NUDT7: variants seen among roughly 807,000 people sequenced by gnomAD.
NUDT7 encodes nudix hydrolase 7.
NUDT7 carries 19 observed loss-of-function variants against 13.1 expected under a neutral mutation model. That is an observed-to-expected ratio of 1.45 (90% CI 1.01 to 2.13). The LOEUF is 2.13. Among genes scored for constraint, NUDT7 ranks in the 30% most tolerant of loss-of-function variants. The pLI is 0.00. For synonymous variants in NUDT7, 132 were observed against 109.7 expected (o/e 1.20, Z -1.27); for missense variants, 360 against 291.7 (o/e 1.23, Z -1.71).
intron 2 of NUDT7, among the ~76,000 whole-genome samples, chr16:77,732,441 A>T (rs1471194490): frequency 1.3e-5 from 2 of 152,080 alleles, no homozygotes; most frequent in Non-Finnish European, 2.9e-5. Flanking sequence ...TCCACTCACC[A>T]CCCACTCATT....
At chr16:77,723,044 CG>C (rs1312171982) in intron 1 of NUDT7, among the ~76,000 whole-genome samples, 1 of 152,104 alleles carries the variant, frequency 6.6e-6, no homozygotes, top group Non-Finnish European at 1.5e-5. Flanking sequence ...GATCACTTGC[CG>C]GGCTGTTGTG....
chr16:77,734,070 C>T (rs927266775), intron 2 of NUDT7, among the ~76,000 whole-genome samples: 3 of 152,066 alleles, frequency 2.0e-5, no homozygotes, highest in East Asian at 1.9e-4. Context: ...GGGGGCAATG[C>T]GGGGAAAGAG....
At chr16:77,739,704 T>A (rs1288370552) in intron 3 of NUDT7, among the ~76,000 whole-genome samples, 1 of 152,142 alleles carries the variant, frequency 6.6e-6, no homozygotes, top group Non-Finnish European at 1.5e-5. Flanking sequence ...TTGCTCTGGT[T>A]CAAACGCCTC....
At chr16:77,732,962 A>G (rs1177946273) in intron 2 of NUDT7, among the ~76,000 whole-genome samples, 1 of 152,118 alleles carries the variant, frequency 6.6e-6, no homozygotes, top group Non-Finnish European at 1.5e-5. Context: ...GGTAAGACAT[A>G]TTTGCAGTCG....
chr16:77,737,781 A>G (rs1335806836), intron 3 of NUDT7, among the ~76,000 whole-genome samples: 1 of 152,122 alleles, frequency 6.6e-6, no homozygotes, highest in Non-Finnish European at 1.5e-5. Context: ...CACCACACCC[A>G]GCCTTAATGT....
chr16:77,741,823 T>C lies in NUDT7; in HGVS notation c.590T>C (p.Val197Ala). 6.2e-7 allele frequency: 1 copy of C among 1,614,146 alleles called. No homozygotes were observed. Among genetic ancestry groups the C allele is most frequent in the Non-Finnish European group, 8.5e-7 (1 of 1,180,028 alleles). ...AAGGGAATGACGGCAAACCTTGCAG[T>C]GTTGGTGGCCTTTATCATTTTGGAA... ...QIKGMTANLA[V>A]LVAFIILEKK... The change falls in exon 4 of 4, where the codon GTG becomes GCG. Residue 197 changes from valine (V) to alanine (A), a missense_variant. Coordinates refer to ENST00000268533, the MANE Select transcript of NUDT7 (RefSeq NM_001105663.3).
intron 1 of NUDT7, 68 bp from the exon 2 acceptor site, chr16:77,725,363 G>T (rs1407144079): frequency 1.4e-6 from 2 of 1,405,246 alleles, no homozygotes; most frequent in East Asian, 2.3e-5. Flanking sequence ...AGAAACAGAG[G>T]CAGGACTATA....
chr16:77,729,661 A>C (rs1018565062), intron 2 of NUDT7, among the ~76,000 whole-genome samples: 1 of 152,048 alleles, frequency 6.6e-6, no homozygotes, highest in Non-Finnish European at 1.5e-5. Flanking sequence ...CCCCATCTCT[A>C]CTAAAAATGC....
intron 2 of NUDT7, among the ~76,000 whole-genome samples, chr16:77,728,535 C>G (rs1479182607): frequency 6.6e-6 from 1 of 152,180 alleles, no homozygotes; most frequent in Non-Finnish European, 1.5e-5. Flanking sequence ...CCACGCCCAG[C>G]CTGCAAAGTT....
At position 77,741,659 on chromosome 16, in the gene NUDT7, G is replaced by A. The variant is rs1233128691; in HGVS notation, c.426G>A (p.Lys142=). Residue 142 remains lysine (K), a synonymous_variant, in exon 4 of 4, where the codon AAG becomes AAA. Coordinates refer to ENST00000268533, the MANE Select transcript of NUDT7 (RefSeq NM_001105663.3). ...CCCAGCCGAATCCTGCTGAAGTTAA[G>A]GATGTATTCCTGGTGCCTCTGGCCT... The part of the protein sequence containing the change: ...FQAQPNPAEV[K]DVFLVPLAYF... The A allele has an allele frequency of 6.2e-7, 1 of 1,614,120 alleles. No individual in the cohort carries two copies. Among genetic ancestry groups the A allele is most frequent in the Admixed American group, 1.7e-5 (1 of 60,020 alleles).
At chr16:77,727,880 T>A (rs201285812) in intron 2 of NUDT7, among the ~76,000 whole-genome samples, 3 of 151,144 alleles carry the variant, frequency 2.0e-5, no homozygotes, top group Non-Finnish European at 2.9e-5. Flanking sequence ...TAAATAAAAA[T>A]AAATAAATAA....
chr16:77,727,729 G>T (rs968115417), intron 2 of NUDT7, among the ~76,000 whole-genome samples: 3 of 152,110 alleles, frequency 2.0e-5, no homozygotes, highest in Non-Finnish European at 4.4e-5. Context: ...GGTGGTGGGT[G>T]CCTGTAATCC....
intron 2 of NUDT7, among the ~76,000 whole-genome samples, 186 bp downstream of exon 2, chr16:77,725,770 A>T (rs771274140): frequency 1.4e-4 from 22 of 152,222 alleles, no homozygotes; most frequent in Non-Finnish European, 2.5e-4. Flanking sequence ...TAACAAGAAA[A>T]TGAAGGAATT....
chr16:77,729,742 T>C (rs1279009132), intron 2 of NUDT7, among the ~76,000 whole-genome samples: 1 of 152,026 alleles, frequency 6.6e-6, no homozygotes, highest in African/African-American at 2.4e-5. Context: ...GGAGAATCGC[T>C]TGAACCTAGA....
At chr16:77,737,181 T>A (rs935941484) in intron 3 of NUDT7, among the ~76,000 whole-genome samples, 9 of 152,330 alleles carry the variant, frequency 5.9e-5, no homozygotes, top group African/African-American at 2.2e-4. Flanking sequence ...TGTTTGCTTT[T>A]TACTAGTTTT....
intron 1 of NUDT7, 128 bp downstream of exon 1, chr16:77,722,745 A>C: frequency 1.2e-6 from 1 of 840,764 alleles, no homozygotes; most frequent in Non-Finnish European, 1.9e-6. Flanking sequence ...CGAGCGCCGG[A>C]TGGGGGAGCA....
At chr16:77,734,409 G>C (rs1027172632) in intron 2 of NUDT7, among the ~76,000 whole-genome samples, 1 of 152,144 alleles carries the variant, frequency 6.6e-6, no homozygotes, top group Non-Finnish European at 1.5e-5. Context: ...AGATCACGAG[G>C]TCAGAAGATC....
At chr16:77,739,977 C>G (rs1488494346) in intron 3 of NUDT7, among the ~76,000 whole-genome samples, 1 of 152,164 alleles carries the variant, frequency 6.6e-6, no homozygotes, top group Non-Finnish European at 1.5e-5. Flanking sequence ...TTGCTCCCCT[C>G]TTCCCCTTAA....
At chr16:77,725,923 C>T (rs929346392) in intron 2 of NUDT7, among the ~76,000 whole-genome samples, 3 of 152,150 alleles carry the variant, frequency 2.0e-5, no homozygotes, top group Admixed American at 6.5e-5. Flanking sequence ...CCTCTACCCA[C>T]CAGATGCCAG....
Sources: gnomAD v4.1 joint callset for allele counts (sites outside exome capture counted in the v4.1 genomes callset) on GRCh38, gnomAD v4.1.1 for gene constraint, MANE v1.5 for transcripts, NCBI Gene and HGNC (gene_info 2026-07-23, HGNC 2026-07-21) for gene names.